The following DIAPH2 variants were observed in gnomAD, a reference collection of about 807,000 sequenced individuals.
DIAPH2 encodes the protein diaphanous related formin 2, also known as protein diaphanous homolog 2.
Under a neutral mutation model 92.7 loss-of-function variants are expected in DIAPH2, and 35 were observed. The ratio of observed to expected loss-of-function variants is 0.38; its 90% CI spans 0.29 to 0.50. The LOEUF is 0.50. Ranked by LOEUF, DIAPH2 falls within the 20% of genes least tolerant of loss-of-function variation. The pLI is 0.94. For synonymous variants in DIAPH2, 301 were observed against 280.4 expected (o/e 1.07, Z -0.73); for missense variants, 701 against 819.5 (o/e 0.86, Z 1.77).
intron 1 of DIAPH2, among the ~76,000 whole-genome samples, chrX:96,727,343 G>A (rs1174315613): frequency 8.9e-6 from 1 of 112,322 alleles, no homozygotes; most frequent in Non-Finnish European, 1.9e-5. Flanking sequence ...CTTCAAATCA[G>A]AAAATCATAA....
At chrX:97,182,330 A>G (rs1034837487) in intron 22 of DIAPH2, among the ~76,000 whole-genome samples, 1 of 112,057 alleles carries the variant, frequency 8.9e-6, no homozygotes, top group African/African-American at 3.2e-5. Flanking sequence ...GTACTGAGAG[A>G]AATCCTGTGG....
At chrX:96,776,942 G>A (rs1365321924) in intron 4 of DIAPH2, among the ~76,000 whole-genome samples, 3 of 111,750 alleles carry the variant, frequency 2.7e-5, no homozygotes, top group African/African-American at 9.7e-5. Flanking sequence ...ATATTTAATC[G>A]TTTGTCAGCT....
chrX:97,425,005 A>G (rs1370705827), intron 25 of DIAPH2, among the ~76,000 whole-genome samples: 1 of 112,295 alleles, frequency 8.9e-6, no homozygotes, highest in African/African-American at 3.2e-5. Flanking sequence ...TTTTAATAAA[A>G]CAATATCTAT....
Position 96,749,128 on chromosome X carries a change from GAAA to G in DIAPH2, c.343-9010_343-9008del, listed in dbSNP as rs759288156. On this transcript the variant is annotated intron_variant, in intron 3 of 26. Transcript: ENST00000324765. The stretch of plus-strand genomic sequence containing the variant: ...AAACCTTTTATTTCCTACCCCATCA[GAAA>G]AAAAAAAAAAAAAAATATATATATA... Among the ~76,000 whole-genome samples, 518 of 55,600 alleles carry G rather than the reference GAAA, an allele frequency of 9.3e-3. 1 individual carries two copies. Among genetic ancestry groups the G allele is most frequent in the Admixed American group, 0.012 (50 of 4,201 alleles). 48.3% of individuals were successfully genotyped at this position (55,600 alleles called of 115,157 possible). A position where few individuals can be genotyped will look rare whatever the true frequency, so the allele number is the denominator to read the frequency against.
At chrX:97,033,807 A>G (rs917775703) in intron 17 of DIAPH2, among the ~76,000 whole-genome samples, 2 of 111,470 alleles carry the variant, frequency 1.8e-5, no homozygotes, top group Non-Finnish European at 3.8e-5. Flanking sequence ...TGATAAAGTT[A>G]TGAGTAGATA....
intron 26 of DIAPH2, among the ~76,000 whole-genome samples, chrX:97,570,117 T>TATATAAGAAG (rs2071358447): frequency 3.8e-5 from 1 of 26,429 alleles, no homozygotes; most frequent in African/African-American, 1.2e-4. Flanking sequence ...TATATATATA[T>TATATAAGAAG]ATATATTAGA....
intron 24 of DIAPH2, among the ~76,000 whole-genome samples, chrX:97,368,081 A>G (rs1710198004): frequency 1.8e-5 from 2 of 112,457 alleles, no homozygotes; most frequent in Non-Finnish European, 3.8e-5. Flanking sequence ...CAGCTAACTA[A>G]TCTTTCAAAT....
intron 14 of DIAPH2, among the ~76,000 whole-genome samples, chrX:96,947,297 T>C (rs1441666144): frequency 9.0e-6 from 1 of 111,453 alleles, no homozygotes; most frequent in Non-Finnish European, 1.9e-5. Flanking sequence ...GTAGGTGCCA[T>C]GATTTAGAAG....
intron 23 of DIAPH2, among the ~76,000 whole-genome samples, chrX:97,330,281 A>C (rs1371574737): frequency 1.8e-5 from 2 of 108,895 alleles, no homozygotes; most frequent in East Asian, 5.8e-4. Flanking sequence ...TCTCTAGAAA[A>C]TTTTCATCTT....
chrX:96,937,129 T>A (rs2065663034), intron 10 of DIAPH2, 104 bp from the exon 11 acceptor site: 1 of 369,353 alleles, frequency 2.7e-6, no homozygotes, highest in Admixed American at 5.9e-5. Context: ...TATTTGAAAT[T>A]GCTTCTGTGT....
intron 23 of DIAPH2, among the ~76,000 whole-genome samples, chrX:97,296,251 G>C (rs1404664837): frequency 1.8e-5 from 2 of 111,165 alleles, no homozygotes; most frequent in East Asian, 5.7e-4. Context: ...GAGAAAAATG[G>C]AGTGGCTCCA....
chrX:96,738,523 C>T, intron 2 of DIAPH2, 63 bp from the exon 3 acceptor site: 1 of 970,169 alleles, frequency 1.0e-6, no homozygotes, highest in East Asian at 3.1e-5. Context: ...TGTTTCAATT[C>T]TTCATGTTAG....
Position 96,945,575 on chromosome X carries a change from C to T in DIAPH2, c.1493C>T (p.Ala498Val). Residue 498 changes from alanine to valine, a missense_variant, in exon 14 of 27, where the codon GCA (alanine) becomes GTA (valine). Ala to Val is a moderately conservative substitution (Grantham distance 64). Around this residue, in one of 3 missense-constraint regions of DIAPH2, gnomAD observed 536 missense variants for 599.3 expected, o/e 0.89. Coordinates refer to ENST00000324765, the MANE Select transcript of DIAPH2 (RefSeq NM_006729.5). ...AKVEESEQKAAEFSKKFDEEF... is the reference protein window; with the variant it reads ...AKVEESEQKAVEFSKKFDEEF... ...GTTGAAGAAAGTGAACAAAAAGCTG[C>T]AGAGTTTTCAAAGAAGGTAAGCTTA... The T allele has an allele frequency of 1.7e-6, 2 of 1,156,352 alleles. No homozygotes were observed. The highest frequency in any genetic ancestry group is 3.0e-5 in the Admixed American group (1 of 33,474).
intron 26 of DIAPH2, among the ~76,000 whole-genome samples, chrX:97,595,196 T>G: frequency 8.9e-6 from 1 of 112,509 alleles, no homozygotes; most frequent in Non-Finnish European, 1.9e-5. Flanking sequence ...TAGGTGTGGA[T>G]CTGAAACTTT....
intron 24 of DIAPH2, among the ~76,000 whole-genome samples, chrX:97,375,479 C>CA (rs765841247): frequency 3.6e-5 from 4 of 109,962 alleles, no homozygotes; most frequent in South Asian, 3.8e-4. Flanking sequence ...AACAAACAAA[C>CA]AAAAAAAACT....
intron 1 of DIAPH2, among the ~76,000 whole-genome samples, chrX:96,686,420 T>C (rs1459963205): frequency 2.7e-5 from 3 of 111,705 alleles, no homozygotes; most frequent in African/African-American, 9.8e-5. Flanking sequence ...TCTCTGTTAG[T>C]AGTAACACCT....
intron 25 of DIAPH2, among the ~76,000 whole-genome samples, chrX:97,394,541 C>A (rs1357573693): frequency 9.0e-6 from 1 of 111,039 alleles, no homozygotes; most frequent in Admixed American, 9.6e-5. Context: ...GTTTTGTTTC[C>A]CCAGATAAAA....
rs994813518 is a variant in DIAPH2 at position 97,320,439 on chromosome X, C to T, written c.2845-27677C>T. 2.7e-5 allele frequency among the ~76,000 whole-genome samples: 3 copies of T among 110,463 alleles called. 1 individual carries two copies. Among genetic ancestry groups the T allele is most frequent in the Middle Eastern group, 8.4e-3 (2 of 238 alleles). On this transcript the variant is annotated intron_variant, in intron 23 of 26. Transcript: ENST00000324765. Reference sequence around the variant, plus strand: ...AAAATTATCTCTCAATTTGGCCAGGCGCGGTAGCTCTTGGCTGTAATCCCA... The same window carrying T: ...AAAATTATCTCTCAATTTGGCCAGGTGCGGTAGCTCTTGGCTGTAATCCCA...
chrX:96,991,686 A>G, intron 17 of DIAPH2, among the ~76,000 whole-genome samples: 1 of 110,349 alleles, frequency 9.1e-6, no homozygotes, highest in Non-Finnish European at 1.9e-5. Flanking sequence ...GTAGCATCAC[A>G]TCAGTAGCTT....
Sources: allele counts gnomAD v4.1 joint callset (sites outside exome capture counted in the v4.1 genomes callset), GRCh38; gene constraint gnomAD v4.1.1; regional missense constraint gnomAD v4.1.1; transcripts MANE v1.5; gene names NCBI Gene and HGNC (gene_info 2026-07-23, HGNC 2026-07-21).